The following ADH4 variants were observed in gnomAD, a reference collection of about 807,000 sequenced individuals.
ADH4 encodes all-trans-retinol dehydrogenase [NAD(+)] ADH4.
ADH4 carries 31 observed loss-of-function variants against 35.2 expected under a neutral mutation model. The ratio of observed to expected loss-of-function variants is 0.88; its 90% CI spans 0.66 to 1.19. ADH4 has a LOEUF of 1.19. Among genes scored for constraint, ADH4 ranks in the 50% most tolerant of loss-of-function variants. The probability of loss-of-function intolerance (pLI) is 0.00; values close to 1 mark genes in which losing one functional copy is unlikely to be tolerated. For missense variants in ADH4, 476 were observed against 458.3 expected (o/e 1.04, Z -0.35); for synonymous variants, 171 against 160.2 (o/e 1.07, Z -0.51).
In ADH4 at chr4:99,141,464, T is replaced by C. The variant is rs571133993; in HGVS notation, c.262+77A>G. ...TTGTAAATAGAGATCAATTATAGCA[T>C]GCCAAGCCAGGACTCTATCAATAAT... On this transcript the variant is annotated intron_variant, in intron 3 of 8. Coordinates refer to ENST00000265512, the MANE Select transcript of ADH4 (RefSeq NM_000670.5). 138 of 1,408,896 alleles carry C rather than the reference T, an allele frequency of 9.8e-5. No individual in the cohort carries two copies. In the East Asian group the frequency reaches 3.2e-3, roughly 33 times the overall value. The allele number at this position is 1,408,896 out of a possible 1,614,324, so 87.3% of individuals were successfully genotyped here. A position where few individuals can be genotyped will look rare whatever the true frequency, so the allele number is the denominator to read the frequency against.
At chr4:99,142,821 A>G in intron 1 of ADH4, 41 bp from the exon 2 acceptor site, 2 of 1,476,406 alleles carry the variant, frequency 1.4e-6, no homozygotes, top group Non-Finnish European at 1.8e-6. Flanking sequence ...ATAGAGATAG[A>G]GATTTTGACA....
intron 1 of ADH4, 96 bp downstream of exon 1, chr4:99,144,109 A>G (rs1729725697): frequency 4.3e-6 from 6 of 1,393,144 alleles, no homozygotes; most frequent in Non-Finnish European, 6.1e-6. Flanking sequence ...ACTGTAAGTC[A>G]CTGCTTCCTG....
chr4:99,142,627 G>C, intron 2 of ADH4, 52 bp downstream of exon 2: 1 of 1,221,228 alleles, frequency 8.2e-7, no homozygotes, highest in South Asian at 2.0e-5. Flanking sequence ...ACAGAAGCCA[G>C]GTCTCCACTT....
intron 5 of ADH4, among the ~76,000 whole-genome samples, chr4:99,133,364 G>C (rs1022807112): frequency 1.3e-5 from 2 of 152,158 alleles, no homozygotes; most frequent in Non-Finnish European, 2.9e-5. Flanking sequence ...GTGTAATGTT[G>C]TTTAATTGGC....
At chr4:99,130,302 CT>C (rs1729232136) in intron 6 of ADH4, among the ~76,000 whole-genome samples, 1 of 152,140 alleles carries the variant, frequency 6.6e-6, no homozygotes, top group Non-Finnish European at 1.5e-5. Flanking sequence ...TATCAAAGCT[CT>C]AAAAAATTAA....
intron 1 of ADH4, chr4:99,143,184 G>A: frequency 1.4e-6 from 1 of 702,044 alleles, no homozygotes; most frequent in East Asian, 2.7e-5. Flanking sequence ...GATAATTGCT[G>A]GAGAATAGAT....
At chr4:99,132,043 A>G (rs1266351282) in intron 5 of ADH4, among the ~76,000 whole-genome samples, 1 of 152,178 alleles carries the variant, frequency 6.6e-6, no homozygotes, top group Non-Finnish European at 1.5e-5. Flanking sequence ...TATCTGAACA[A>G]AATTTGAAAA....
intron 4 of ADH4, among the ~76,000 whole-genome samples, chr4:99,137,717 C>T (rs978779404): frequency 6.6e-6 from 1 of 152,190 alleles, no homozygotes; most frequent in South Asian, 2.1e-4. Flanking sequence ...CATGTCCCAG[C>T]TCCAGTAACC....
At chr4:99,127,983 C>T (rs527615751) in intron 6 of ADH4, among the ~76,000 whole-genome samples, 2 of 150,728 alleles carry the variant, frequency 1.3e-5, no homozygotes, top group Non-Finnish European at 1.5e-5. Flanking sequence ...GTAAACCCAG[C>T]CAAATCTATC....
intron 2 of ADH4, 26 bp downstream of exon 2, chr4:99,142,653 C>G (rs775555500): frequency 6.7e-7 from 1 of 1,482,822 alleles, no homozygotes; most frequent in Admixed American, 2.2e-5. Flanking sequence ...CCTGTCTGTT[C>G]CCACCCAAGG....
At chr4:99,143,237 G>A in intron 1 of ADH4, 1 of 701,948 alleles carries the variant, frequency 1.4e-6, no homozygotes, top group Non-Finnish European at 2.6e-6. Context: ...CCTCGGACAA[G>A]CATTTATTCA....
At chr4:99,127,491 T>C (rs1729137211) in intron 6 of ADH4, 147 bp from the exon 7 acceptor site, 1 of 586,518 alleles carries the variant, frequency 1.7e-6, no homozygotes, top group African/African-American at 1.9e-5. Flanking sequence ...ATAGTATCAT[T>C]GTAGATTGAG....
At chr4:99,136,153 A>C (rs985580975) in intron 5 of ADH4, among the ~76,000 whole-genome samples, 4 of 152,190 alleles carry the variant, frequency 2.6e-5, no homozygotes, top group African/African-American at 9.7e-5. Context: ...CATCCTTAGG[A>C]GACATATTTA....
At chr4:99,140,114 T>C (rs951717759) in intron 3 of ADH4, among the ~76,000 whole-genome samples, 18 of 151,782 alleles carry the variant, frequency 1.2e-4, no homozygotes, top group Non-Finnish European at 2.9e-5. Flanking sequence ...TTAGGTATTA[T>C]CTTTATCTTA....
chr4:99,126,842 A>T (rs1729110506), intron 7 of ADH4, 110 bp from the exon 8 acceptor site: 1 of 1,057,988 alleles, frequency 9.5e-7, no homozygotes, highest in Non-Finnish European at 1.3e-6. Flanking sequence ...TTTGCTTCAA[A>T]TAGATTAAAC....
chr4:99,129,494 G>T (rs2110493063), intron 6 of ADH4, among the ~76,000 whole-genome samples: 1 of 152,208 alleles, frequency 6.6e-6, no homozygotes, highest in South Asian at 2.1e-4. Flanking sequence ...TTAAAACAAA[G>T]TCTCTTTACA....
chr4:99,125,820 G>A (rs1729068544), intron 8 of ADH4, among the ~76,000 whole-genome samples: 1 of 152,160 alleles, frequency 6.6e-6, no homozygotes, highest in African/African-American at 2.4e-5. Flanking sequence ...TCAAATCCCA[G>A]TTATTTTAAT....
At chr4:99,134,649 C>T (rs10017466) in intron 5 of ADH4, among the ~76,000 whole-genome samples, 106,600 of 151,624 alleles carry the variant, frequency 0.7, 37,836 homozygotes, top group East Asian at 1. Flanking sequence ...CTCCACCCAG[C>T]TACTAGTACC....
intron 5 of ADH4, chr4:99,133,750 T>C (rs894158578): frequency 6.6e-6 from 1 of 152,190 alleles, no homozygotes; most frequent in African/African-American, 2.4e-5. Context: ...TTATTCACAA[T>C]AGCCAAAATG....
Sources: allele counts gnomAD v4.1 joint callset (sites outside exome capture counted in the v4.1 genomes callset), GRCh38; gene constraint gnomAD v4.1.1; transcripts MANE v1.5; gene names NCBI Gene and HGNC (gene_info 2026-07-23, HGNC 2026-07-21).